Variants in AKAP13 observed in about 807,000 individuals in gnomAD.
AKAP13 encodes the protein A-kinase anchor protein 13.
A neutral mutation model predicts 264.5 loss-of-function variants in AKAP13; 80 were observed. The ratio of observed to expected loss-of-function variants is 0.30; its 90% confidence interval spans 0.25 to 0.36. The LOEUF is 0.36. Among genes scored for constraint, AKAP13 ranks in the 10% least tolerant of loss-of-function variants. AKAP13 has a pLI of 1.00. For missense variants in AKAP13, 3,712 were observed against 3,435.2 expected (o/e 1.08, Z -2.01); for synonymous variants, 1,380 against 1,250.2 (o/e 1.10, Z -2.19).
At position 85,502,779 on chromosome 15, in the gene AKAP13, G is replaced by T. The variant is rs74477097; in HGVS notation, c.33+17026G>T. Among the ~76,000 whole-genome samples the T allele has an allele frequency of 2.0e-3, 309 of 152,256 alleles. 3 individuals carry two copies. Among genetic ancestry groups the T allele is most frequent in the African/African-American group, 7.1e-3 (297 of 41,556 alleles). On this transcript the variant is annotated intron_variant, in intron 2 of 36. Transcript: ENST00000394518. Reference sequence around the variant, plus strand: ...AGCTTTACAAAAAAGCTGGTTTACCGTTAAAATTAATTAGATGGATTTTCT... The same window carrying T: ...AGCTTTACAAAAAAGCTGGTTTACCTTTAAAATTAATTAGATGGATTTTCT...
chr15:85,655,700 G>A lies in AKAP13; in HGVS notation c.4658G>A (p.Ser1553Asn), dbSNP rs760805884. ...CCTGCAAACTGCTCTGTCCTAAGGA[G>A]CTCCATGCGCTCTCTTTCTCCCTTC... ...EVPANCSVLR[S>N]SMRSLSPFRR... Residue 1553 changes from serine to asparagine, a missense_variant, in exon 11 of 37, where the codon AGC becomes AAC. By Grantham distance (46) the Ser-to-Asn change is conservative (BLOSUM62 1). Coordinates refer to ENST00000394518, the MANE Select transcript of AKAP13 (RefSeq NM_007200.5). 1 of 1,613,800 alleles carries A rather than the reference G, an allele frequency of 6.2e-7. No homozygotes were observed. Among genetic ancestry groups the A allele is most frequent in the Non-Finnish European group, 8.5e-7 (1 of 1,179,796 alleles).
At chr15:85,442,532 A>ATTATATT (rs563855431) in intron 1 of AKAP13, among the ~76,000 whole-genome samples, 3 of 124,216 alleles carry the variant, frequency 2.4e-5, no homozygotes, top group East Asian at 4.4e-4. Context: ...TATTATATAT[A>ATTATATT]ATATATATTA....
At chr15:85,606,544 A>G (rs2080352639) in intron 8 of AKAP13, among the ~76,000 whole-genome samples, 1 of 152,234 alleles carries the variant, frequency 6.6e-6, no homozygotes, top group South Asian at 2.1e-4. Flanking sequence ...AGACTTGTAC[A>G]ACAGGCCCCT....
At chr15:85,522,681 A>C (rs2076864846) in intron 3 of AKAP13, among the ~76,000 whole-genome samples, 2 of 151,982 alleles carry the variant, frequency 1.3e-5, no homozygotes, top group African/African-American at 4.8e-5. Flanking sequence ...ATATATGTCT[A>C]TGTAAGTACC....
At position 85,512,958 on chromosome 15, in the gene AKAP13, G is replaced by A. The variant is rs370434192; in HGVS notation, c.34-8470G>A. 2.1e-4 allele frequency among the ~76,000 whole-genome samples: 32 copies of A among 152,144 alleles called. No homozygotes were observed. The East Asian group carries it at 4.4e-3, about 21-fold the overall frequency. On this transcript the variant is annotated intron_variant, in intron 2 of 36. Coordinates refer to ENST00000394518, the MANE Select transcript of AKAP13 (RefSeq NM_007200.5). ...TGCAAGCTCTGCCTCCTGGGTTCAC[G>A]CCATTCTCCTGCCTCAGCCTCCCGA...
intron 1 of AKAP13, among the ~76,000 whole-genome samples, chr15:85,442,520 TATATTATATATA>T (rs1567059756): frequency 1.7e-4 from 19 of 111,468 alleles, no homozygotes; most frequent in Non-Finnish European, 2.4e-4. Flanking sequence ...TAATATATAT[TATATTATATATA>T]ATATATATTA....
chr15:85,587,436 T>G (rs1389669111), intron 8 of AKAP13, among the ~76,000 whole-genome samples: 1 of 152,218 alleles, frequency 6.6e-6, no homozygotes, highest in Non-Finnish European at 1.5e-5. Flanking sequence ...ATATACCACA[T>G]TTTTTTGTGG....
intron 5 of AKAP13, among the ~76,000 whole-genome samples, chr15:85,565,417 T>C (rs2078571508): frequency 1.3e-5 from 2 of 152,222 alleles, no homozygotes. Context: ...CTAGTGCATT[T>C]GGTTATGCTT....
intron 1 of AKAP13, among the ~76,000 whole-genome samples, chr15:85,476,236 T>G (rs2075159814): frequency 6.6e-6 from 1 of 152,096 alleles, no homozygotes; most frequent in South Asian, 2.1e-4. Context: ...TTATAGATAA[T>G]GAGGGACCCT....
Position 85,641,206 on chromosome 15 carries a change from G to T in AKAP13, c.4237+1757G>T, listed in dbSNP as rs1264118513. 1.5e-4 allele frequency among the ~76,000 whole-genome samples: 23 copies of T among 152,058 alleles called. No homozygotes were observed. The East Asian group carries it at 4.5e-3, about 30-fold the overall frequency. On this transcript the variant is annotated intron_variant, in intron 9 of 36. Coordinates refer to ENST00000394518, the MANE Select transcript of AKAP13 (RefSeq NM_007200.5). The stretch of plus-strand genomic sequence containing the variant: ...TCACGCCTGTAATCCCAACACTTGG[G>T]GAGGCCGAGGCGGGCAGATCACGAG...
At position 85,711,560 on chromosome 15, in the gene AKAP13, G is replaced by A. The variant is rs534511591; in HGVS notation, c.5599+915G>A. Among the ~76,000 whole-genome samples the A allele has an allele frequency of 1.2e-4, 18 of 152,096 alleles. No homozygotes were observed. The South Asian group carries it at 3.5e-3, about 30-fold the overall frequency. ...GATATGCATGTTATTGTACGCTATT[G>A]TTTCAGACTATGGCATGGTATTCTT... On this transcript the variant is annotated intron_variant, in intron 19 of 36. Coordinates refer to ENST00000394518, the MANE Select transcript of AKAP13 (RefSeq NM_007200.5).
intron 23 of AKAP13, 130 bp from the exon 24 acceptor site, chr15:85,721,861 C>CATTT: frequency 7.0e-7 from 1 of 1,431,292 alleles, no homozygotes; most frequent in South Asian, 1.4e-5. Flanking sequence ...GCTGCTGCAC[C>CATTT]ATTTCATTCT....
chr15:85,512,222 C>T lies in AKAP13; in HGVS notation c.34-9206C>T, dbSNP rs182241906. ...AAGACAGTTTTTGCTTTCCATAAGC[C>T]TCAGGTGGTGAAGAGAAACATGTAC... On this transcript the variant is annotated intron_variant, in intron 2 of 36. Transcript: ENST00000394518. Among the ~76,000 whole-genome samples the T allele has an allele frequency of 8.7e-4, 132 of 152,214 alleles. 1 individual carries two copies. Among genetic ancestry groups the T allele is most frequent in the African/African-American group, 3.1e-3 (129 of 41,514 alleles).
At chr15:85,519,672 T>G (rs1192636731) in intron 2 of AKAP13, among the ~76,000 whole-genome samples, 1 of 152,208 alleles carries the variant, frequency 6.6e-6, no homozygotes. Context: ...TAATTCTGTT[T>G]TACCAGCCGT....
chr15:85,674,838 GTGTA>G (rs1349013339), intron 14 of AKAP13, among the ~76,000 whole-genome samples: 2 of 149,854 alleles, frequency 1.3e-5, no homozygotes, highest in Non-Finnish European at 3.0e-5. Flanking sequence ...GTGTGTGTGT[GTGTA>G]TATATATATG....
intron 1 of AKAP13, among the ~76,000 whole-genome samples, chr15:85,448,401 C>T (rs7180876): frequency 0.29 from 44,575 of 151,796 alleles, 9,534 homozygotes; most frequent in African/African-American, 0.59. Context: ...TCCTTTTTTT[C>T]GTGATTGCTT....
intron 2 of AKAP13, among the ~76,000 whole-genome samples, chr15:85,495,327 A>G (rs2075841633): frequency 1.3e-5 from 2 of 152,120 alleles, no homozygotes; most frequent in Admixed American, 1.3e-4. Context: ...GTGGTTAATG[A>G]TCTGTGCAGC....
intron 26 of AKAP13, 81 bp downstream of exon 26, chr15:85,723,401 A>C: frequency 6.4e-7 from 1 of 1,556,260 alleles, no homozygotes; most frequent in African/African-American, 1.4e-5. Flanking sequence ...GAAATTCACT[A>C]CCAGATTTTT....
intron 1 of AKAP13, among the ~76,000 whole-genome samples, chr15:85,463,793 T>C (rs2074616070): frequency 6.6e-6 from 1 of 152,060 alleles, no homozygotes; most frequent in Non-Finnish European, 1.5e-5. Context: ...GGGAGGCTTT[T>C]GTTGGGTCTT....
Sources: allele counts gnomAD v4.1 joint callset (sites outside exome capture counted in the v4.1 genomes callset), GRCh38; gene constraint gnomAD v4.1.1; transcripts MANE v1.5; gene names NCBI Gene and HGNC (gene_info 2026-07-23, HGNC 2026-07-21).